Variants in PCDHA1 observed in about 807,000 individuals in gnomAD.
The protein encoded by PCDHA1 is protocadherin alpha 1, also known as protocadherin alpha-1.
PCDHA1 carries 42 observed loss-of-function variants against 61.3 expected under a neutral mutation model. That is an observed-to-expected ratio of 0.69 (90% confidence interval 0.54 to 0.89). PCDHA1 has a LOEUF of 0.89. PCDHA1 is among the 40% of genes least tolerant of loss of function. PCDHA1 has a pLI of 0.00. For missense variants in PCDHA1, 1,256 were observed against 1,235.3 expected, an observed-to-expected ratio of 1.02 and a Z score of -0.25; for synonymous variants, 610 against 553.8, an observed-to-expected ratio of 1.10 and a Z score of -1.43.
intron 1 of PCDHA1, among the ~76,000 whole-genome samples, chr5:140,978,421 T>C (rs969808613): frequency 2.0e-5 from 3 of 152,236 alleles, no homozygotes; most frequent in Non-Finnish European, 4.4e-5. Flanking sequence ...AAAGAGACTG[T>C]TATCAGTTGC....
At position 140,993,460 on chromosome 5, in the gene PCDHA1, T is replaced by TCACACA. The variant is rs1554253699; in HGVS notation, c.2542+10898_2542+10899insACACAC. ...TTCATTCCTGTTCTCCTTCTTTCTT[T>TCACACA]CTCACACACACACACACACACACAC... On this transcript the variant is annotated intron_variant, in intron 3 of 3. Transcript: ENST00000504120. Among the ~76,000 whole-genome samples, 49 of 104,564 alleles carry TCACACA rather than the reference T, an allele frequency of 4.7e-4. 1 individual carries two copies. Among genetic ancestry groups the TCACACA allele is most frequent in the Admixed American group, 1.8e-3 (15 of 8,460 alleles). 68.6% of individuals were successfully genotyped at this position (104,564 alleles called of 152,430 possible).
intron 1 of PCDHA1, among the ~76,000 whole-genome samples, chr5:140,818,185 G>C (rs1766299277): frequency 1.3e-5 from 2 of 152,054 alleles, no homozygotes; most frequent in Non-Finnish European, 2.9e-5. Context: ...ATTCTTCTGT[G>C]ACTATAAGTA....
rs1761753932 is a variant in PCDHA1 at position 140,793,176 on chromosome 5, T to C, written c.2394+4492T>C. Among the ~76,000 whole-genome samples, 3 of 152,266 alleles carry C rather than the reference T, an allele frequency of 2.0e-5. No individual in the cohort carries two copies. The South Asian group carries it at 6.2e-4, about 31-fold the overall frequency. On this transcript the variant is annotated intron_variant, in intron 1 of 3. Transcript: ENST00000504120. ...TAATTTTTAGTCTAGAAAGCTACTT[T>C]GGCCATTTTGCCAGCAGATGGGAAA...
At chr5:140,870,605 G>A (rs1445292626) in intron 1 of PCDHA1, 2 of 1,613,248 alleles carry the variant, frequency 1.2e-6, no homozygotes, top group Non-Finnish European at 1.7e-6. Flanking sequence ...TTGGGCGACC[G>A]CGCGCTGTCG....
intron 1 of PCDHA1, among the ~76,000 whole-genome samples, chr5:140,819,452 A>G (rs1461686795): frequency 1.3e-5 from 2 of 152,148 alleles, no homozygotes; most frequent in Non-Finnish European, 2.9e-5. Context: ...TTTTTTCTCA[A>G]GGAAGAACTT....
At chr5:140,841,397 G>T in intron 1 of PCDHA1, 3 of 1,613,254 alleles carry the variant, frequency 1.9e-6, no homozygotes, top group Non-Finnish European at 2.5e-6. Flanking sequence ...AGCCTGGAAG[G>T]TGGGGAGCGG....
intron 1 of PCDHA1, chr5:140,877,927 A>C: frequency 7.1e-7 from 1 of 1,416,192 alleles, no homozygotes; most frequent in South Asian, 1.6e-5. Flanking sequence ...TTTCTTTATG[A>C]TTCTATCCTT....
chr5:140,802,250 T>C, intron 1 of PCDHA1: 1 of 1,614,252 alleles, frequency 6.2e-7, no homozygotes, highest in Non-Finnish European at 8.5e-7. Context: ...CTGAGTTAGT[T>C]ATTCAATCAC....
At chr5:140,803,043 G>T (rs142788061) in intron 1 of PCDHA1, 27 of 1,614,014 alleles carry the variant, frequency 1.7e-5, no homozygotes, top group Non-Finnish European at 2.3e-5. Context: ...GCCTGGGACC[G>T]GCGGTGCGCG....
At chr5:140,912,164 C>G (rs1554195175) in intron 1 of PCDHA1, among the ~76,000 whole-genome samples, 1 of 152,158 alleles carries the variant, frequency 6.6e-6, no homozygotes, top group Non-Finnish European at 1.5e-5. Flanking sequence ...TTTATTCTGG[C>G]TGTGCTGGCA....
chr5:140,883,092 G>C (rs782675726), intron 1 of PCDHA1: 2 of 1,614,108 alleles, frequency 1.2e-6, no homozygotes, highest in Non-Finnish European at 1.7e-6. Flanking sequence ...GGTACAAATG[G>C]AGATATAGTT....
At chr5:140,966,313 C>T (rs1349194825) in intron 1 of PCDHA1, 18 of 386,704 alleles carry the variant, frequency 4.7e-5, no homozygotes, top group African/African-American at 2.5e-4. Flanking sequence ...CGTGTTCCTG[C>T]GGTCCGCTGG....
intron 1 of PCDHA1, among the ~76,000 whole-genome samples, chr5:140,910,495 T>C (rs782513326): frequency 1.3e-5 from 2 of 152,176 alleles, no homozygotes; most frequent in Non-Finnish European, 2.9e-5. Flanking sequence ...AGAAGAGCAA[T>C]CACAAAGCTC....
chr5:140,960,913 T>C (rs184385777), intron 1 of PCDHA1, among the ~76,000 whole-genome samples: 10 of 152,320 alleles, frequency 6.6e-5, no homozygotes, highest in Admixed American at 2.6e-4. Flanking sequence ...GAGTTTCAGA[T>C]AGAAAATTGG....
chr5:140,941,239 C>CTTTCTTTCTTTCTT (rs2092937531), intron 1 of PCDHA1, among the ~76,000 whole-genome samples: 2 of 134,500 alleles, frequency 1.5e-5, no homozygotes, highest in Non-Finnish European at 1.6e-5. Context: ...TTCTTTCTTT[C>CTTTCTTTCTTTCTT]TTTCTTTCTT....
At chr5:140,899,250 G>A (rs1232558400) in intron 1 of PCDHA1, among the ~76,000 whole-genome samples, 1 of 152,118 alleles carries the variant, frequency 6.6e-6, no homozygotes, top group African/African-American at 2.4e-5. Flanking sequence ...GGTGAGAGAG[G>A]GCATCCCTGT....
chr5:140,830,343 C>T (rs2150185146), intron 1 of PCDHA1: 1 of 1,614,058 alleles, frequency 6.2e-7, no homozygotes, highest in South Asian at 1.1e-5. Context: ...TGGTCGTACT[C>T]GCAGCAGAGG....
At chr5:140,866,405 A>G (rs2049336607) in intron 1 of PCDHA1, 1 of 152,116 alleles carries the variant, frequency 6.6e-6, no homozygotes, top group Admixed American at 6.6e-5. Context: ...TCCCATGAAA[A>G]TCTTCAAATG....
At chr5:140,888,315 C>A (rs2061784289) in intron 1 of PCDHA1, among the ~76,000 whole-genome samples, 1 of 152,084 alleles carries the variant, frequency 6.6e-6, no homozygotes, top group Non-Finnish European at 1.5e-5. Flanking sequence ...TTGGCAATGC[C>A]TGGATACATT....
Sources: allele counts gnomAD v4.1 joint callset (sites outside exome capture counted in the v4.1 genomes callset), GRCh38; gene constraint gnomAD v4.1.1; transcripts MANE v1.5; gene names NCBI Gene and HGNC (gene_info 2026-07-23, HGNC 2026-07-21).